The following CACFD1 variants were observed in gnomAD, a reference collection of about 807,000 sequenced individuals.
The protein encoded by CACFD1 is calcium channel flower domain containing 1.
In CACFD1, 26 loss-of-function variants were observed where a neutral mutation model predicts 21.3. That is an observed-to-expected ratio of 1.22 (90% CI 0.89 to 1.69). The LOEUF is 1.69. Among genes scored for constraint, CACFD1 ranks in the 40% most tolerant of loss-of-function variants. The pLI is 0.00. For missense variants in CACFD1, 265 were observed against 236.2 expected, an observed-to-expected ratio of 1.12 and a Z score of -0.80; for synonymous variants, 121 against 106.6, an observed-to-expected ratio of 1.13 and a Z score of -0.83.
chr9:133,468,837 G>C lies in CACFD1; in HGVS notation c.*184G>C. ...AGGAGCCACTGGCTGCTGGTGTGAG[G>C]GTCTGGGCTGCTGGACTTGAGGCAG... On this transcript the variant is annotated 3_prime_UTR_variant, in exon 5 of 5. Coordinates refer to ENST00000316948, the MANE Select transcript of CACFD1 (RefSeq NM_017586.5). The C allele has an allele frequency of 9.4e-7, 1 of 1,059,848 alleles. No individual in the cohort carries two copies. The highest frequency in any genetic ancestry group is 3.0e-5 in the Admixed American group (1 of 33,086). The allele number at this position is 1,059,848 out of a possible 1,614,324, so 65.7% of individuals were successfully genotyped here. A position where few individuals can be genotyped will look rare whatever the true frequency, so the allele number is the denominator to read the frequency against.
In CACFD1 at chr9:133,463,479, C is replaced by G; in HGVS notation, c.122-4C>G. 1 of 1,614,074 alleles carries G rather than the reference C, an allele frequency of 6.2e-7. No individual in the cohort carries two copies. Among genetic ancestry groups the G allele is most frequent in the Non-Finnish European group, 8.5e-7 (1 of 1,180,014 alleles). On this transcript the variant is annotated splice_polypyrimidine_tract_variant and splice_region_variant and intron_variant, in intron 1 of 4. Coordinates refer to ENST00000316948, the MANE Select transcript of CACFD1 (RefSeq NM_017586.5). ...TGACTCCTGCCCGTGTCTCTTGTTT[C>G]AAGCTTGCGCGATCTCTGGCCTCTT...
chr9:133,467,729 C>T (rs1431048087), intron 3 of CACFD1, among the ~76,000 whole-genome samples, 192 bp from the exon 4 acceptor site: 1 of 152,220 alleles, frequency 6.6e-6, no homozygotes, highest in Non-Finnish European at 1.5e-5. Flanking sequence ...ATCCTATTCC[C>T]AGAATGGAAC....
intron 1 of CACFD1, among the ~76,000 whole-genome samples, chr9:133,462,780 C>T (rs111457545): frequency 2.0e-5 from 3 of 152,324 alleles, no homozygotes; most frequent in African/African-American, 4.8e-5. Context: ...AGAGAAGCCA[C>T]GTTCTGGGGT....
rs376297486 is a variant in CACFD1 at position 133,460,190 on chromosome 9, G to A, written c.121+3G>A. The A allele has an allele frequency of 9.7e-6, 15 of 1,540,838 alleles. No homozygotes were observed. The African/African-American group carries it at 1.8e-4, about 19-fold the overall frequency. On this transcript the variant is annotated splice_donor_region_variant and intron_variant, in intron 1 of 4. Transcript: ENST00000316948. Reference sequence around the variant, plus strand: ...GTCTGGGGTGCTGGGGGCAGTCTGTGAGTATCCAGTCGGGGAGAGGGGCCG... The same window carrying A: ...GTCTGGGGTGCTGGGGGCAGTCTGTAAGTATCCAGTCGGGGAGAGGGGCCG...
Position 133,469,139 on chromosome 9 carries a change from C to T in CACFD1, c.*486C>T, listed in dbSNP as rs587637086. 9 of 166,544 alleles carry T rather than the reference C, an allele frequency of 5.4e-5. No homozygotes were observed. The highest frequency in any genetic ancestry group is 1.7e-4 in the East Asian group (1 of 5,780). The allele number at this position is 166,544 out of a possible 1,614,324, so 10.3% of individuals were successfully genotyped here. On this transcript the variant is annotated 3_prime_UTR_variant, in exon 5 of 5. Coordinates refer to ENST00000316948, the MANE Select transcript of CACFD1 (RefSeq NM_017586.5). ...CCTCCCACTGCTGCCTAGGGTGCAG[C>T]GCCCACTGTCACCCTGCCTTCTGAA...
At chr9:133,463,432 C>G (rs782448178) in intron 1 of CACFD1, 51 bp from the exon 2 acceptor site, 5 of 1,612,434 alleles carry the variant, frequency 3.1e-6, no homozygotes, top group South Asian at 2.2e-5. Context: ...GCCTTCCCAG[C>G]GGGCTCCGCC....
At chr9:133,468,217 G>A (rs782254105) in intron 4 of CACFD1, 189 bp downstream of exon 4, 21 of 1,249,672 alleles carry the variant, frequency 1.7e-5, no homozygotes, top group South Asian at 6.0e-5. Context: ...ACACTTCTGC[G>A]TGGCCCAGTC....
chr9:133,462,389 G>A (rs1205917488), intron 1 of CACFD1, among the ~76,000 whole-genome samples: 1 of 152,358 alleles, frequency 6.6e-6, no homozygotes, highest in South Asian at 2.1e-4. Context: ...TGTTTTAGAA[G>A]GAGACCCTGG....
intron 1 of CACFD1, 52 bp from the exon 2 acceptor site, chr9:133,463,421 CGCCTTCCCAG>C: frequency 6.2e-7 from 1 of 1,611,538 alleles, no homozygotes; most frequent in Non-Finnish European, 8.5e-7. Context: ...CTCCCAAGGC[CGCCTTCCCAG>C]CGGGCTCCGC....
Position 133,468,523 on chromosome 9 carries a change from G to A in CACFD1, c.429-40G>A, listed in dbSNP as rs147407942. 212 of 1,554,378 alleles carry A rather than the reference G, an allele frequency of 1.4e-4. No individual in the cohort carries two copies. The African/African-American group carries it at 2.8e-3, about 21-fold the overall frequency. ...GTGGTCAGGAGGGCTGTGGGCATGG[G>A]GCTGGTGCTCCACGTGACGCTGCCT... On this transcript the variant is annotated intron_variant, in intron 4 of 4. Coordinates refer to ENST00000316948, the MANE Select transcript of CACFD1 (RefSeq NM_017586.5).
At chr9:133,468,381 GGGA>G in intron 4 of CACFD1, 179 bp from the exon 5 acceptor site, 5 of 1,535,904 alleles carry the variant, frequency 3.3e-6, no homozygotes, top group Non-Finnish European at 3.5e-6. Flanking sequence ...CAGCATCCCA[GGGA>G]GCCTGGGCCA....
chr9:133,465,571 G>GAAA lies in CACFD1; in HGVS notation c.320+124_320+125insAAA, dbSNP rs1843404390. 3.8e-5 allele frequency: 39 copies of GAAA among 1,037,834 alleles called. No individual in the cohort carries two copies. Among genetic ancestry groups the GAAA allele is most frequent in the Non-Finnish European group, 5.2e-5 (37 of 713,084 alleles). The allele number at this position is 1,037,834 out of a possible 1,614,324, so 64.3% of individuals were successfully genotyped here. On this transcript the variant is annotated intron_variant, in intron 3 of 4. Transcript: ENST00000316948. The surrounding 1 kb of genome is among the most constrained non-coding windows in gnomAD (Gnocchi z 5.0). Reference sequence around the variant, plus strand: ...TTCCTCTCTGTGGAAGTGTAAACTGGGATTGCCTTTGTGCACAGTGATTTG... The same window carrying GAAA: ...TTCCTCTCTGTGGAAGTGTAAACTGGAAAGATTGCCTTTGTGCACAGTGATTTG...
At chr9:133,460,974 G>C (rs587699577) in intron 1 of CACFD1, among the ~76,000 whole-genome samples, 1 of 152,376 alleles carries the variant, frequency 6.6e-6, no homozygotes, top group South Asian at 2.1e-4. Context: ...AGGCAGGTCA[G>C]CTCCAGGAGT....
intron 3 of CACFD1, among the ~76,000 whole-genome samples, chr9:133,466,351 T>C (rs898383992): frequency 6.6e-6 from 1 of 152,268 alleles, no homozygotes; most frequent in African/African-American, 2.4e-5. Context: ...AATCTTCTGA[T>C]GTGTGTGCTT....
Position 133,460,117 on chromosome 9 carries a change from C to T in CACFD1, c.51C>T (p.Pro17=), listed in dbSNP as rs782117442. The change falls in exon 1 of 5, where the codon CCC becomes CCT. Residue 17 remains proline, a synonymous_variant. Transcript: ENST00000316948. ...GGGCGTCCGCCAGCTCTGCGCCGCC[C>T]GCGCAGGAAGAGGGCATGACGTGGT... The part of the protein sequence containing the change: ...APGASASSAP[P]AQEEGMTWWY... 1.3e-5 allele frequency: 20 copies of T among 1,563,206 alleles called. 1 individual carries two copies. The South Asian group carries it at 2.1e-4, about 16-fold the overall frequency.
chr9:133,460,948 A>T (rs1843180324), intron 1 of CACFD1, among the ~76,000 whole-genome samples: 2 of 152,224 alleles, frequency 1.3e-5, no homozygotes, highest in Non-Finnish European at 2.9e-5. Flanking sequence ...GCACAGCCAG[A>T]AAAGGACAAA....
rs1554799917 is a variant in CACFD1, at chr9:133,468,026, A to G, written c.426A>G (p.Lys142=). The change falls in exon 4 of 5, where the codon AAA becomes AAG. Residue 142 remains lysine (K), a splice_region_variant and synonymous_variant. Transcript: ENST00000316948. ...TGTACGGACTCTCTGCTCTGGGCAA[A>G]AAGTGCGTCTGCCAGGCCCAGCCCC... ...GVLYGLSALG[K]KGDAISYARI... is the part of the protein sequence containing the mutation. The G allele has an allele frequency of 1.2e-6, 2 of 1,612,824 alleles. No homozygotes were observed. The highest frequency in any genetic ancestry group is 4.5e-5 in the East Asian group (2 of 44,860).
chr9:133,465,275 TC>T lies in CACFD1; in HGVS notation c.195-45del, dbSNP rs781939317. The stretch of plus-strand genomic sequence containing the variant: ...CTGGCACTGGGGGCCGCCCTCATCC[TC>T]CTGGGATTGTCAGTCGCTGCTCTTC... On this transcript the variant is annotated intron_variant, in intron 2 of 4. Transcript: ENST00000316948. The surrounding 1 kb of genome is among the most constrained non-coding windows in gnomAD (Gnocchi z 5.0). 11 of 1,610,910 alleles carry T rather than the reference TC, an allele frequency of 6.8e-6. No individual in the cohort carries two copies. In the East Asian group the frequency reaches 2.5e-4, roughly 36 times the overall value.
At chr9:133,463,458 T>C (rs782139791) in intron 1 of CACFD1, 25 bp from the exon 2 acceptor site, 1 of 1,613,846 alleles carries the variant, frequency 6.2e-7, no homozygotes, top group South Asian at 1.1e-5. Context: ...CCCTGCTGAC[T>C]CCTGCCCGTG....
Sources: gnomAD v4.1 joint callset for allele counts (sites outside exome capture counted in the v4.1 genomes callset) on GRCh38, gnomAD v4.1.1 for gene constraint, Gnocchi (gnomAD v3.1) non-coding constraint, MANE v1.5 for transcripts, NCBI Gene and HGNC (gene_info 2026-07-23, HGNC 2026-07-21) for gene names.